Variants in MALL observed in about 807,000 individuals in gnomAD.
MALL encodes the protein mal, T cell differentiation protein like.
In MALL, 2 loss-of-function variants were observed where a neutral mutation model predicts 10.3. The ratio of observed to expected loss-of-function variants is 0.19; its 90% CI spans 0.08 to 0.61. MALL has a LOEUF of 0.61. Ranked by LOEUF, MALL falls within the 20% of genes least tolerant of loss-of-function variation. The pLI, the probability that MALL is intolerant of heterozygous loss-of-function variation, is 0.88. For synonymous variants in MALL, 27 were observed against 51.8 expected (o/e 0.52, Z 2.05); for missense variants, 39 against 115.2 (o/e 0.34, Z 3.03).
At chr2:110,115,938 T>G (rs1246431720), upstream of MALL, 1 of 401,034 alleles carries the variant, frequency 2.5e-6, no homozygotes, top group Non-Finnish European at 4.3e-6. Context: ...TTCCACTCGC[T>G]GCAGCCAGCA....
At chr2:110,104,356 C>T (rs1678641237) in intron 1 of MALL, among the ~76,000 whole-genome samples, 1 of 152,130 alleles carries the variant, frequency 6.6e-6, no homozygotes, top group Non-Finnish European at 1.5e-5. Flanking sequence ...TTTCTGTTTC[C>T]TACTGGACCG....
At chr2:110,108,202 A>G (rs1295326064) in intron 1 of MALL, among the ~76,000 whole-genome samples, 2 of 152,192 alleles carry the variant, frequency 1.3e-5, no homozygotes, top group Non-Finnish European at 2.9e-5. Context: ...GATTCACCTG[A>G]AAAAGAATTC....
chr2:110,114,974 G>C (rs1221964539), intron 1 of MALL, among the ~76,000 whole-genome samples: 1 of 152,120 alleles, frequency 6.6e-6, no homozygotes, highest in Non-Finnish European at 1.5e-5. Flanking sequence ...CTCTGCAGAT[G>C]GGAGCAGGCA....
chr2:110,115,816 C>A lies in MALL; in HGVS notation c.-24G>T. ...ATGCTGTCAGCCCCTGCCGGGTGCTCCGCGGCAGCTCGCCCGCGCGCAGCC... is the reference window on the plus strand; with the variant it reads ...ATGCTGTCAGCCCCTGCCGGGTGCTACGCGGCAGCTCGCCCGCGCGCAGCC... On this transcript the variant is annotated 5_prime_UTR_variant, in exon 1 of 4. Coordinates refer to ENST00000272462, the MANE Select transcript of MALL (RefSeq NM_005434.5). The A allele has an allele frequency of 2.6e-6, 3 of 1,156,494 alleles. No individual in the cohort carries two copies. The highest frequency in any genetic ancestry group is 3.3e-6 in the Non-Finnish European group (3 of 904,882). 71.6% of individuals were successfully genotyped at this position (1,156,494 alleles called of 1,614,324 possible).
upstream of MALL, among the ~76,000 whole-genome samples, chr2:110,117,439 G>T (rs1678939974): frequency 6.6e-6 from 1 of 152,086 alleles, no homozygotes; most frequent in Non-Finnish European, 1.5e-5. Flanking sequence ...CTTAAGCTGA[G>T]AGGCCCTGAG....
Position 110,097,081 on chromosome 2 carries a change from A to C in MALL, c.106-5311T>G, listed in dbSNP as rs1013275505. ...AAAGTGAAACACTCTGCAATCTTCA[A>C]AAACAAAACAAAACAAAAAAAAAAA... is the stretch of plus-strand genomic sequence containing the variant. On this transcript the variant is annotated intron_variant, in intron 1 of 3. Coordinates refer to ENST00000272462, the MANE Select transcript of MALL (RefSeq NM_005434.5). Among the ~76,000 whole-genome samples, 3 of 81,498 alleles carry C rather than the reference A, an allele frequency of 3.7e-5. No homozygotes were observed. In the Admixed American group the frequency reaches 5.0e-4, roughly 14 times the overall value. 53.5% of individuals were successfully genotyped at this position (81,498 alleles called of 152,430 possible).
chr2:110,105,583 G>C (rs978097094), intron 1 of MALL, among the ~76,000 whole-genome samples: 2 of 152,208 alleles, frequency 1.3e-5, no homozygotes, highest in African/African-American at 2.4e-5. Flanking sequence ...GAGACAGAAA[G>C]GCTGAAGCAT....
intron 1 of MALL, among the ~76,000 whole-genome samples, chr2:110,114,675 A>T (rs11887633): frequency 0.069 from 10,401 of 150,856 alleles, 1,195 homozygotes; most frequent in African/African-American, 0.24. Context: ...AGTTTGCCTA[A>T]AAGTGGCTTG....
chr2:110,108,019 G>T (rs1253692101), intron 1 of MALL, among the ~76,000 whole-genome samples: 1 of 152,130 alleles, frequency 6.6e-6, no homozygotes, highest in Non-Finnish European at 1.5e-5. Flanking sequence ...ACACCCTGTA[G>T]GACAAAAGAA....
At chr2:110,117,114 CT>C (rs1203999101), upstream of MALL, among the ~76,000 whole-genome samples, 6 of 152,108 alleles carry the variant, frequency 3.9e-5, no homozygotes, top group Admixed American at 3.9e-4. Context: ...CTGATCATCC[CT>C]TTTTCCCAGG....
At chr2:110,098,396 G>A (rs1312926315) in intron 1 of MALL, among the ~76,000 whole-genome samples, 2 of 151,764 alleles carry the variant, frequency 1.3e-5, no homozygotes, top group Admixed American at 6.6e-5. Flanking sequence ...TTCCCTCCCC[G>A]CAGTCCCTGG....
intron 1 of MALL, among the ~76,000 whole-genome samples, chr2:110,096,710 TACACACAC>T (rs61332655): frequency 2.8e-5 from 4 of 140,960 alleles, no homozygotes; most frequent in African/African-American, 1.1e-4. Flanking sequence ...AAAATGTACC[TACACACAC>T]ACACACACAC....
In MALL at chr2:110,090,255, GA is replaced by G. The variant is rs1357465892; in HGVS notation, c.273+1347del. Among the ~76,000 whole-genome samples, 27 of 135,984 alleles carry G rather than the reference GA, an allele frequency of 2.0e-4. 3 individuals are homozygous for G. Among genetic ancestry groups the G allele is most frequent in the African/African-American group, 8.2e-4 (27 of 32,796 alleles). The allele number at this position is 135,984 out of a possible 152,430, so 89.2% of individuals were successfully genotyped here. On this transcript the variant is annotated intron_variant, in intron 2 of 3. Transcript: ENST00000272462. The stretch of plus-strand genomic sequence containing the variant: ...TCAATCTTGGTCTGAAATATTAAAT[GA>G]AAAATTCCAGAAATTAACAATTAAA...
intron 1 of MALL, among the ~76,000 whole-genome samples, chr2:110,100,972 G>A (rs1442929997): frequency 6.6e-6 from 1 of 152,158 alleles, no homozygotes; most frequent in African/African-American, 2.4e-5. Flanking sequence ...CCTACCCCAA[G>A]TGCCACAGCT....
intron 1 of MALL, among the ~76,000 whole-genome samples, chr2:110,097,095 C>CAAAAAA (rs71405880): frequency 7.2e-6 from 1 of 139,708 alleles, no homozygotes; most frequent in Non-Finnish European, 1.5e-5. Context: ...CAAAACAAAA[C>CAAAAAA]AAAAAAAAAA....
intron 1 of MALL, among the ~76,000 whole-genome samples, chr2:110,099,910 T>A (rs919433795): frequency 6.6e-6 from 1 of 152,062 alleles, no homozygotes; most frequent in African/African-American, 2.4e-5. Context: ...ATTTCCCTTC[T>A]GTTAAGGCCA....
chr2:110,110,157 G>A (rs1292278867), intron 1 of MALL, among the ~76,000 whole-genome samples: 1 of 151,828 alleles, frequency 6.6e-6, no homozygotes, highest in Non-Finnish European at 1.5e-5. Flanking sequence ...CACACCTCAA[G>A]GAACTAGAGA....
chr2:110,117,689 T>C (rs181117015), upstream of MALL, among the ~76,000 whole-genome samples: 20 of 151,566 alleles, frequency 1.3e-4, no homozygotes, highest in East Asian at 3.9e-3. Context: ...CCCCCATGCT[T>C]TTAGGATCAT....
At chr2:110,116,962 G>A (rs1466779980), upstream of MALL, among the ~76,000 whole-genome samples, 3 of 152,144 alleles carry the variant, frequency 2.0e-5, no homozygotes, top group Non-Finnish European at 4.4e-5. Flanking sequence ...CTGCCCTCAG[G>A]GCCACAGGTG....
Sources: allele counts gnomAD v4.1 joint callset (sites outside exome capture counted in the v4.1 genomes callset), GRCh38; gene constraint gnomAD v4.1.1; transcripts MANE v1.5; gene names NCBI Gene and HGNC (gene_info 2026-07-23, HGNC 2026-07-21).